Variants in CEBPZOS observed in about 807,000 individuals in gnomAD.
CEBPZOS encodes the protein CEBPZ opposite strand.
Under a neutral mutation model 4.8 loss-of-function variants are expected in CEBPZOS, and 10 were observed. That is an observed-to-expected ratio of 2.07 (90% CI 1.28 to 3.52). The LOEUF (loss-of-function observed/expected upper bound fraction) is 3.52. Ranked by LOEUF, CEBPZOS falls within the 30% of genes most tolerant of loss-of-function variation. The probability of loss-of-function intolerance (pLI) is 0.00; values close to 1 mark genes in which losing one functional copy is unlikely to be tolerated. For synonymous variants in CEBPZOS, 25 were observed against 14.2 expected (o/e 1.77, Z -1.72); for missense variants, 98 against 43.6 (o/e 2.25, Z -3.51).
At chr2:37,210,924 G>C (rs1558470145) in intron 4 of CEBPZOS, 6 of 1,006,662 alleles carry the variant, frequency 6.0e-6, no homozygotes, top group Non-Finnish European at 7.3e-6. Flanking sequence ...ATTTAGGAGA[G>C]TTCATTTCCC....
chr2:37,212,237 T>C lies in CEBPZOS; in HGVS notation c.*3-1200T>C. 4.3e-6 allele frequency: 5 copies of C among 1,151,880 alleles called. No homozygotes were observed. In the South Asian group the frequency reaches 5.4e-5, roughly 12 times the overall value. 71.4% of individuals were successfully genotyped at this position (1,151,880 alleles called of 1,614,324 possible). A position where few individuals can be genotyped will look rare whatever the true frequency, so the allele number is the denominator to read the frequency against. ...CACTTCCCAAACTTACTTGACTACA[T>C]TTCCCCTTTATCATATAGTTCTGTG... On this transcript the variant is annotated intron_variant, in intron 4 of 4. Transcript: ENST00000397064.
At chr2:37,206,005 G>A (rs1169302422), downstream of CEBPZOS, among the ~76,000 whole-genome samples, 3 of 152,336 alleles carry the variant, frequency 2.0e-5, no homozygotes, top group East Asian at 5.8e-4. Flanking sequence ...TAATTGAATG[G>A]TTTAAAAATG....
downstream of CEBPZOS, among the ~76,000 whole-genome samples, chr2:37,205,538 C>G (rs1677507049): frequency 2.0e-5 from 3 of 150,594 alleles, no homozygotes; most frequent in African/African-American, 5.0e-5. Flanking sequence ...TTCACTGACT[C>G]TCTTTTCGGA....
intron 4 of CEBPZOS, chr2:37,211,781 CAAACTT>C: frequency 1.6e-6 from 2 of 1,287,144 alleles, no homozygotes; most frequent in Admixed American, 5.8e-5. Flanking sequence ...AGCAGAAAAA[CAAACTT>C]AAGGCTAAGG....
rs1245938151 is a variant in CEBPZOS at position 37,211,313 on chromosome 2, T to C, written c.*3-2124T>C. On this transcript the variant is annotated intron_variant, in intron 4 of 4. Coordinates refer to the CEBPZOS transcript ENST00000397064. ...GTACAAAATTTTCTAAATAGCTTCA[T>C]TAATAAGACCAAATAATATAAAACC... 1.1e-5 allele frequency: 4 copies of C among 365,018 alleles called. No individual in the cohort carries two copies. In the Admixed American group the frequency reaches 1.8e-4, roughly 16 times the overall value. The allele number at this position is 365,018 out of a possible 1,614,324, so 22.6% of individuals were successfully genotyped here. A position where few individuals can be genotyped will look rare whatever the true frequency, so the allele number is the denominator to read the frequency against.
At chr2:37,207,991 C>G (rs1206279669), downstream of CEBPZOS, among the ~76,000 whole-genome samples, 1 of 152,000 alleles carries the variant, frequency 6.6e-6, no homozygotes, top group African/African-American at 2.4e-5. Flanking sequence ...CACAGAAATA[C>G]AAAAGATCAT....
rs531479622 is a variant in CEBPZOS, at chr2:37,204,277, A to AT, written c.*2436dup. 0.015 allele frequency: 1,658 copies of AT among 109,262 alleles called. 12 individuals are homozygous for AT. The highest frequency in any genetic ancestry group is 0.03 in the East Asian group (114 of 3,816). The allele number at this position is 109,262 out of a possible 1,614,324, so 6.8% of individuals were successfully genotyped here. A position where few individuals can be genotyped will look rare whatever the true frequency, so the allele number is the denominator to read the frequency against. On this transcript the variant is annotated 3_prime_UTR_variant, in exon 5 of 5. Coordinates refer to ENST00000402297, the MANE Select transcript of CEBPZOS (RefSeq NM_001322374.2). ...TAACACCATGCCTGGCTAATTTTTG[A>AT]TTTTTTTTTTTTTTTTTTTGAGACA...
In CEBPZOS at chr2:37,196,526, A is replaced by T. The variant is rs890242515; in HGVS notation, c.-2+6A>T. On this transcript the variant is annotated splice_donor_region_variant and intron_variant, in intron 1 of 4. Transcript: ENST00000402297. ...CCCCCTTGAACGCACCTCAGGTAAG[A>T]CTCTGGCGAGTGGCTTCCCATGGGC... 2 of 152,036 alleles carry T rather than the reference A, an allele frequency of 1.3e-5. No homozygotes were observed. The highest frequency in any genetic ancestry group is 4.8e-5 in the African/African-American group (2 of 41,388). 9.4% of individuals were successfully genotyped at this position (152,036 alleles called of 1,614,324 possible). A position where few individuals can be genotyped will look rare whatever the true frequency, so the allele number is the denominator to read the frequency against.
chr2:37,216,188 T>A, downstream of CEBPZOS: 1 of 1,613,354 alleles, frequency 6.2e-7, no homozygotes, highest in African/African-American at 1.3e-5. Context: ...TTCGGCTGCA[T>A]CACAACACTA....
downstream of CEBPZOS, chr2:37,209,028 C>T (rs1677631277): frequency 7.5e-6 from 1 of 133,902 alleles, no homozygotes; most frequent in Non-Finnish European, 1.6e-5. Flanking sequence ...AATTACTCTA[C>T]CCCCCTTACA....
chr2:37,207,702 G>A (rs138933725), downstream of CEBPZOS, among the ~76,000 whole-genome samples: 2,154 of 152,254 alleles, frequency 0.014, 44 homozygotes, highest in African/African-American at 0.049. Flanking sequence ...CAAAAAGTCT[G>A]AAAGAGCATA....
chr2:37,216,140 C>A, downstream of CEBPZOS: 1 of 1,607,154 alleles, frequency 6.2e-7, no homozygotes, highest in Non-Finnish European at 8.5e-7. Flanking sequence ...TTATACTTAC[C>A]AGGAAGATGA....
downstream of CEBPZOS, chr2:37,209,210 C>CCATACTG (rs1486748996): frequency 6.6e-6 from 1 of 152,024 alleles, no homozygotes; most frequent in Non-Finnish European, 1.5e-5. Context: ...GTGAAAATGA[C>CCATACTG]CATACTGCCA....
intron 4 of CEBPZOS, chr2:37,211,942 C>A (rs768578319): frequency 4.0e-5 from 65 of 1,613,680 alleles, no homozygotes; most frequent in Admixed American, 6.7e-5. Context: ...CCTAAAGAAA[C>A]TTCATCGTCA....
chr2:37,199,153 T>C (rs2148318790), intron 1 of CEBPZOS, among the ~76,000 whole-genome samples: 1 of 152,220 alleles, frequency 6.6e-6, no homozygotes, highest in East Asian at 1.9e-4. Context: ...GTATTAATAG[T>C]TTAGTATATG....
intron 4 of CEBPZOS, chr2:37,212,088 A>G (rs1677739350): frequency 2.0e-6 from 3 of 1,511,146 alleles, no homozygotes; most frequent in Non-Finnish European, 1.8e-6. Flanking sequence ...TATTTTCTAA[A>G]GTAGTGTTTT....
downstream of CEBPZOS, chr2:37,213,938 T>G: frequency 6.3e-7 from 1 of 1,580,270 alleles, no homozygotes; most frequent in East Asian, 2.3e-5. Flanking sequence ...TTGTTTCTCT[T>G]TAACAGCAAC....
chr2:37,216,022 G>C (rs547476337), downstream of CEBPZOS: 1 of 688,312 alleles, frequency 1.5e-6, no homozygotes, highest in Non-Finnish European at 2.3e-6. Context: ...AAAAAAGATG[G>C]ATAATGTCTT....
In CEBPZOS at chr2:37,202,546, A is replaced by G. The variant is rs567883929; in HGVS notation, c.*686A>G. ...TGTAATCCCAGCTACTTGGGAGGCT[A>G]AGGTAGGAGAATTACTTGAACATGG... On this transcript the variant is annotated 3_prime_UTR_variant, in exon 5 of 5. Coordinates refer to ENST00000402297, the MANE Select transcript of CEBPZOS (RefSeq NM_001322374.2). 19 of 319,740 alleles carry G rather than the reference A, an allele frequency of 5.9e-5. No individual in the cohort carries two copies. The Middle Eastern group carries it at 5.7e-3, about 95-fold the overall frequency. 19.8% of individuals were successfully genotyped at this position (319,740 alleles called of 1,614,324 possible).
Sources: allele counts gnomAD v4.1 joint callset (sites outside exome capture counted in the v4.1 genomes callset), GRCh38; gene constraint gnomAD v4.1.1; transcripts MANE v1.5; gene names NCBI Gene and HGNC (gene_info 2026-07-23, HGNC 2026-07-21).